The following ZNF346 variants were observed in gnomAD, a reference collection of about 807,000 sequenced individuals.
ZNF346 encodes double-stranded RNA-binding zinc finger protein JAZ.
Under a neutral mutation model 33.7 loss-of-function variants are expected in ZNF346, and 23 were observed. The observed-to-expected ratio is 0.68, with a 90% CI of 0.49 to 0.97. The LOEUF is 0.97. Among genes scored for constraint, ZNF346 ranks in the 50% least tolerant of loss-of-function variants. The pLI, the probability that ZNF346 is intolerant of heterozygous loss-of-function variation, is 0.00. For missense variants in ZNF346, 340 were observed against 371.1 expected (o/e 0.92, Z 0.69); for synonymous variants, 134 against 142.4 (o/e 0.94, Z 0.42).
At chr5:177,044,982 C>A (rs1480031532) in intron 4 of ZNF346, among the ~76,000 whole-genome samples, 1 of 152,212 alleles carries the variant, frequency 6.6e-6, no homozygotes, top group African/African-American at 2.4e-5. Context: ...GCTGCCTGTT[C>A]TCCTCAAGAC....
At chr5:177,036,739 G>A in intron 1 of ZNF346, among the ~76,000 whole-genome samples, 1 of 152,072 alleles carries the variant, frequency 6.6e-6, no homozygotes, top group East Asian at 1.9e-4. Context: ...ACATGTAAAG[G>A]AAATCAAGTG....
intron 5 of ZNF346, among the ~76,000 whole-genome samples, chr5:177,053,353 G>A (rs1017419698): frequency 6.8e-6 from 1 of 146,324 alleles, no homozygotes; most frequent in Non-Finnish European, 1.5e-5. Context: ...GTCTCTGTAT[G>A]TTGCCTAAGC....
At chr5:177,039,369 G>C (rs888376908) in intron 1 of ZNF346, among the ~76,000 whole-genome samples, 1 of 151,966 alleles carries the variant, frequency 6.6e-6, no homozygotes, top group African/African-American at 2.4e-5. Context: ...TGCCTAAAAG[G>C]GCTGACATAG....
intron 1 of ZNF346, among the ~76,000 whole-genome samples, chr5:177,040,516 T>C (rs1779208854): frequency 6.6e-6 from 1 of 152,134 alleles, no homozygotes; most frequent in Non-Finnish European, 1.5e-5. Flanking sequence ...GGCTAATTTT[T>C]GTATTTTTAG....
At chr5:177,069,873 GCTGGTCTCAAACTC>G (rs1175558519), downstream of ZNF346, among the ~76,000 whole-genome samples, 1 of 151,974 alleles carries the variant, frequency 6.6e-6, no homozygotes, top group East Asian at 1.9e-4. Flanking sequence ...TGTTGCCCAG[GCTGGTCTCAAACTC>G]CTGGGCTCAA....
intron 1 of ZNF346, among the ~76,000 whole-genome samples, chr5:177,030,095 T>G (rs1777451426): frequency 6.6e-6 from 1 of 152,204 alleles, no homozygotes; most frequent in South Asian, 2.1e-4. Flanking sequence ...AACTGAGTTT[T>G]TTTTCTCCAG....
intron 8 of ZNF346, among the ~76,000 whole-genome samples, chr5:177,078,159 G>T (rs1030510823): frequency 1.3e-5 from 2 of 152,046 alleles, no homozygotes; most frequent in African/African-American, 2.4e-5. Flanking sequence ...AAAAAGAAAA[G>T]AAAAGAAAAG....
chr5:177,077,763 G>A lies in ZNF346; in HGVS notation c.*3-1619G>A, dbSNP rs900740881. 4.6e-5 allele frequency among the ~76,000 whole-genome samples: 7 copies of A among 152,136 alleles called. No homozygotes were observed. Among genetic ancestry groups the A allele is most frequent in the Admixed American group, 1.3e-4 (2 of 15,272 alleles). ...TGGACTGCTAGTAGGGGAGGACCAC[G>A]ACATCAAGAAAAGTTTGAGGGGTCG... On this transcript the variant is annotated intron_variant, in intron 8 of 8. Transcript: ENST00000503039. The surrounding 1 kb of genome is among the most constrained non-coding windows in gnomAD (Gnocchi z 5.0).
At chr5:177,054,400 T>G (rs113106511) in intron 5 of ZNF346, among the ~76,000 whole-genome samples, 4,533 of 150,420 alleles carry the variant, frequency 0.03, 233 homozygotes, top group African/African-American at 0.11. Context: ...TATTTATTTT[T>G]TTATTTTGTT....
chr5:177,048,736 TG>T (rs1780441463), intron 4 of ZNF346, among the ~76,000 whole-genome samples: 1 of 152,154 alleles, frequency 6.6e-6, no homozygotes, highest in Admixed American at 6.5e-5. Context: ...TCTATAAAAT[TG>T]AGGACATAAG....
chr5:177,076,630 G>A (rs747158535), intron 8 of ZNF346, among the ~76,000 whole-genome samples: 30 of 152,010 alleles, frequency 2.0e-4, no homozygotes, highest in Non-Finnish European at 2.8e-4. Flanking sequence ...ATTCCCACTC[G>A]CCCATGCTGT....
At chr5:177,034,444 C>G (rs1034571378) in intron 1 of ZNF346, among the ~76,000 whole-genome samples, 1 of 152,072 alleles carries the variant, frequency 6.6e-6, no homozygotes, top group Non-Finnish European at 1.5e-5. Flanking sequence ...CAGGCTGGTT[C>G]TTGAACTCCT....
rs554059868 is a variant in ZNF346, at chr5:177,045,986, A to C, written c.517+1453A>C. 2.0e-5 allele frequency among the ~76,000 whole-genome samples: 3 copies of C among 152,252 alleles called. No individual in the cohort carries two copies. The East Asian group carries it at 5.8e-4, about 29-fold the overall frequency. On this transcript the variant is annotated intron_variant, in intron 4 of 6. Coordinates refer to ENST00000358149, the MANE Select transcript of ZNF346 (RefSeq NM_012279.4). ...TCTACTTCATCGGTTGTGAGGATAC[A>C]ATAATGTGTATTAAAAACACAGGAC...
At chr5:177,042,866 G>T (rs1288317223) in intron 3 of ZNF346, among the ~76,000 whole-genome samples, 2 of 152,034 alleles carry the variant, frequency 1.3e-5, no homozygotes, top group African/African-American at 4.8e-5. Flanking sequence ...AAGTAGCTAG[G>T]ACTACAGGCA....
intron 1 of ZNF346, among the ~76,000 whole-genome samples, chr5:177,037,885 T>C (rs973213671): frequency 6.6e-6 from 1 of 152,188 alleles, no homozygotes; most frequent in Non-Finnish European, 1.5e-5. Flanking sequence ...CATCATCTAC[T>C]AGGCCTCATG....
intron 1 of ZNF346, among the ~76,000 whole-genome samples, chr5:177,033,775 G>A (rs956598630): frequency 2.0e-5 from 3 of 151,642 alleles, no homozygotes; most frequent in Admixed American, 6.6e-5. Flanking sequence ...CACCCACCTC[G>A]ACCTTCCAAA....
chr5:177,050,134 A>G (rs1054653052), intron 4 of ZNF346, among the ~76,000 whole-genome samples: 4 of 152,176 alleles, frequency 2.6e-5, no homozygotes, highest in Admixed American at 2.0e-4. Context: ...ACGCATAACT[A>G]AATGTTAATG....
At chr5:177,070,314 G>T (rs1002906747), downstream of ZNF346, among the ~76,000 whole-genome samples, 22 of 152,090 alleles carry the variant, frequency 1.4e-4, no homozygotes, top group African/African-American at 5.3e-4. Context: ...CTTTTAGCAT[G>T]CTCAAGACAG....
intron 2 of ZNF346, among the ~76,000 whole-genome samples, chr5:177,041,440 T>C (rs1779325799): frequency 1.3e-5 from 2 of 152,200 alleles, no homozygotes; most frequent in African/African-American, 4.8e-5. Flanking sequence ...TATCTTCCCT[T>C]GCAGCTTGGC....
Sources: gnomAD v4.1 joint callset for allele counts (sites outside exome capture counted in the v4.1 genomes callset) on GRCh38, gnomAD v4.1.1 for gene constraint, Gnocchi (gnomAD v3.1) non-coding constraint, MANE v1.5 for transcripts, NCBI Gene and HGNC (gene_info 2026-07-23, HGNC 2026-07-21) for gene names.